OGDHL: variants seen among roughly 807,000 people sequenced by gnomAD.
The protein encoded by OGDHL is 2-oxoglutarate dehydrogenase-like, mitochondrial.
OGDHL carries 79 observed loss-of-function variants against 109.6 expected under a neutral mutation model. That is an observed-to-expected ratio of 0.72 (90% CI 0.60 to 0.87). The LOEUF is 0.87. Ranked by LOEUF, OGDHL falls within the 40% of genes least tolerant of loss-of-function variation. The probability of loss-of-function intolerance (pLI) is 0.00; values close to 1 mark genes in which losing one functional copy is unlikely to be tolerated. For synonymous variants in OGDHL, 528 were observed against 537.2 expected, an observed-to-expected ratio of 0.98 and a Z score of 0.24; for missense variants, 1,275 against 1,362.2, an observed-to-expected ratio of 0.94 and a Z score of 1.01.
intron 16 of OGDHL, 93 bp from the exon 17 acceptor site, chr10:49,739,932 C>A (rs1484067487): frequency 1.6e-6 from 2 of 1,289,286 alleles, no homozygotes; most frequent in Non-Finnish European, 1.1e-6. Flanking sequence ...ATCCTCCATG[C>A]CCCCACCCAT....
At chr10:49,760,849 G>A (rs902807108) in intron 1 of OGDHL, among the ~76,000 whole-genome samples, 2 of 152,260 alleles carry the variant, frequency 1.3e-5, no homozygotes, top group Non-Finnish European at 2.9e-5. Flanking sequence ...GTTCCCATCA[G>A]CTGAGCCAGA....
chr10:49,739,779 A>T lies in OGDHL; in HGVS notation c.2201T>A (p.Phe734Tyr), dbSNP rs143105288. The T allele has an allele frequency of 1.2e-6, 2 of 1,614,084 alleles. No homozygotes were observed. The highest frequency in any genetic ancestry group is 1.7e-5 in the Admixed American group (1 of 60,020). The change falls in exon 17 of 23, where the codon TTT becomes TAT. Residue 734 changes from phenylalanine (F) to tyrosine (Y), a missense_variant. Physicochemically the swap from Phe to Tyr is conservative, Grantham distance 22. Coordinates refer to ENST00000374103, the MANE Select transcript of OGDHL (RefSeq NM_018245.3). Reference sequence around the variant, plus strand: ...CTGGGCCGTGTTGTGGAAGTCCCCAAACTGGGCCTCCCAGAGGACCAGGGC... The same window carrying T: ...CTGGGCCGTGTTGTGGAAGTCCCCATACTGGGCCTCCCAGAGGACCAGGGC... ...PNALVLWEAQFGDFHNTAQCI... is the reference protein window; with the variant it reads ...PNALVLWEAQYGDFHNTAQCI...
chr10:49,758,238 A>G, intron 2 of OGDHL, 151 bp downstream of exon 2: 2 of 752,000 alleles, frequency 2.7e-6, no homozygotes, highest in South Asian at 1.8e-5. Flanking sequence ...AGGGAAAGCA[A>G]CAGGCTTTGA....
rs149700074 is a variant in OGDHL, at chr10:49,747,062, C to A, written c.1134G>T (p.Glu378Asp). 1.6e-5 allele frequency: 26 copies of A among 1,614,116 alleles called. No homozygotes were observed. The African/African-American group carries it at 3.2e-4, about 20-fold the overall frequency. Residue 378 changes from glutamate to aspartate, a missense_variant, in exon 9 of 23, where the codon GAG becomes GAT. Physicochemically the swap from Glu to Asp is conservative, Grantham distance 45. Transcript: ENST00000374103. ...DPVVQGKTKAEQFYRGDAQGK... is the reference protein window; with the variant it reads ...DPVVQGKTKADQFYRGDAQGK... ...CCTGGGCATCTCCACGGTAGAACTG[C>A]TCTGCCTTTGTCTTCCCCTGCACCA...
chr10:49,752,694 T>G lies in OGDHL; in HGVS notation c.422A>C (p.Asp141Ala). The G allele has an allele frequency of 6.2e-7, 1 of 1,614,140 alleles. No individual in the cohort carries two copies. Among genetic ancestry groups the G allele is most frequent in the Non-Finnish European group, 8.5e-7 (1 of 1,180,004 alleles). Residue 141 changes from aspartate to alanine, a missense_variant, in exon 4 of 23, where the codon GAT becomes GCT. By Grantham distance (126) the Asp-to-Ala change is moderately radical (BLOSUM62 -2). Transcript: ENST00000374103. ...GGGCACAAAGGAGTCCAGGTCTGCA[T>G]CCAGAATGCCCAGGGGGTCCAGCTG... The part of the protein sequence containing the change: ...VAQLDPLGIL[D>A]ADLDSFVPSD...
intron 12 of OGDHL, 32 bp from the exon 13 acceptor site, chr10:49,744,784 C>G (rs758187489): frequency 1.9e-6 from 3 of 1,579,196 alleles, no homozygotes; most frequent in Non-Finnish European, 2.6e-6. Context: ...GGACAGAGCA[C>G]CAAAGCCCTG....
At chr10:49,755,537 A>G (rs1842866299) in intron 3 of OGDHL, among the ~76,000 whole-genome samples, 1 of 152,278 alleles carries the variant, frequency 6.6e-6, no homozygotes, top group Non-Finnish European at 1.5e-5. Flanking sequence ...TATATGTTTG[A>G]AAATGCTTAT....
intron 15 of OGDHL, 128 bp from the exon 16 acceptor site, chr10:49,740,965 C>T: frequency 8.4e-7 from 1 of 1,190,588 alleles, no homozygotes; most frequent in Admixed American, 2.0e-5. Context: ...CTGCAGGGTC[C>T]CACAACATGG....
At chr10:49,756,997 C>G in intron 2 of OGDHL, 51 bp from the exon 3 acceptor site, 1 of 1,567,040 alleles carries the variant, frequency 6.4e-7, no homozygotes, top group Non-Finnish European at 8.7e-7. Flanking sequence ...TGGGAAGAGT[C>G]AGGGGTGGCC....
chr10:49,761,688 C>A (rs1444401876), intron 1 of OGDHL, among the ~76,000 whole-genome samples: 1 of 152,240 alleles, frequency 6.6e-6, no homozygotes, highest in Non-Finnish European at 1.5e-5. Flanking sequence ...TTACCCCGTC[C>A]CCCTCCCACA....
chr10:49,757,768 C>T (rs557010827), intron 2 of OGDHL, among the ~76,000 whole-genome samples: 2 of 152,126 alleles, frequency 1.3e-5, no homozygotes, highest in South Asian at 4.1e-4. Context: ...GTATGTGTTA[C>T]AGGTTACTTT....
intron 15 of OGDHL, among the ~76,000 whole-genome samples, chr10:49,741,476 C>A (rs1841649140): frequency 6.6e-6 from 1 of 152,102 alleles, no homozygotes; most frequent in African/African-American, 2.4e-5. Context: ...CCACACCACC[C>A]TGGCTTGCTA....
rs1841045430 is a variant in OGDHL at position 49,735,129 on chromosome 10, C to A, written c.*99G>T. On this transcript the variant is annotated 3_prime_UTR_variant, in exon 23 of 23. Coordinates refer to ENST00000374103, the MANE Select transcript of OGDHL (RefSeq NM_018245.3). ...GTGTCTGTTTTATCCTGGGGCCCCA[C>A]AGCCCCTCTCCTGGGCAGGAGCTCC... The A allele has an allele frequency of 4.6e-6, 7 of 1,511,126 alleles. No homozygotes were observed. Among genetic ancestry groups the A allele is most frequent in the African/African-American group, 1.4e-5 (1 of 71,824 alleles). 93.6% of individuals were successfully genotyped at this position (1,511,126 alleles called of 1,614,324 possible). A position where few individuals can be genotyped will look rare whatever the true frequency, so the allele number is the denominator to read the frequency against.
intron 14 of OGDHL, 150 bp downstream of exon 14, chr10:49,743,844 C>T: frequency 3.2e-6 from 3 of 929,646 alleles, no homozygotes; most frequent in Non-Finnish European, 4.7e-6. Flanking sequence ...GTCACGGGCA[C>T]AGACATGGTG....
chr10:49,753,010 G>A (rs756775672), intron 3 of OGDHL, among the ~76,000 whole-genome samples: 5 of 152,352 alleles, frequency 3.3e-5, no homozygotes, highest in Non-Finnish European at 4.4e-5. Flanking sequence ...GGTGCTACTA[G>A]TAATAGTGAA....
At chr10:49,742,361 C>T in intron 15 of OGDHL, among the ~76,000 whole-genome samples, 6 of 6,064 alleles carry the variant, frequency 9.9e-4, no homozygotes, top group South Asian at 4.1e-3. Flanking sequence ...CCACACAACA[C>T]ACCACACACC....
Position 49,742,145 on chromosome 10 carries a change from TACAC to T in OGDHL, c.2012+679_2012+682del, listed in dbSNP as rs1359127790. ...ACACACCCTACACACACACCAAACA[TACAC>T]ACACATCACACACACCATACACGCC... On this transcript the variant is annotated intron_variant, in intron 15 of 22. Coordinates refer to ENST00000374103, the MANE Select transcript of OGDHL (RefSeq NM_018245.3). Among the ~76,000 whole-genome samples the T allele has an allele frequency of 7.5e-4, 51 of 67,572 alleles. 1 individual carries two copies. The highest frequency in any genetic ancestry group is 3.8e-3 in the African/African-American group (45 of 11,794). 44.3% of individuals were successfully genotyped at this position (67,572 alleles called of 152,430 possible). A position where few individuals can be genotyped will look rare whatever the true frequency, so the allele number is the denominator to read the frequency against.
At position 49,746,781 on chromosome 10, in the gene OGDHL, T is replaced by C. The variant is rs759529478; in HGVS notation, c.1265A>G (p.Asn422Ser). 24 of 1,613,988 alleles carry C rather than the reference T, an allele frequency of 1.5e-5. No individual in the cohort carries two copies. The highest frequency in any genetic ancestry group is 3.3e-4 in the Middle Eastern group (2 of 6,084). ...GTTGACGACGACGTGCACGGTACCA[T>C]TGGTCGTGTAGGAGGGCAGGTCGCT... Reference protein sequence around the residue: ...HLSDLPSYTTNGTVHVVVNNQ... With the variant: ...HLSDLPSYTTSGTVHVVVNNQ... The change falls in exon 10 of 23, where the codon AAT becomes AGT. Residue 422 changes from asparagine (N) to serine (S), a missense_variant. Coordinates refer to ENST00000374103, the MANE Select transcript of OGDHL (RefSeq NM_018245.3).
At position 49,740,870 on chromosome 10, in the gene OGDHL, G is replaced by A. The variant is rs761060900; in HGVS notation, c.2013-33C>T. The A allele has an allele frequency of 2.3e-5, 37 of 1,612,290 alleles. No homozygotes were observed. In the South Asian group the frequency reaches 3.7e-4, roughly 16 times the overall value. ...GACACAGACCGGGGCAGGGACAGAG[G>A]GCAGGTGGGCTGGCACCTGTTCACC... On this transcript the variant is annotated intron_variant, in intron 15 of 22. Transcript: ENST00000374103.
Sources: allele counts gnomAD v4.1 joint callset (sites outside exome capture counted in the v4.1 genomes callset), GRCh38; gene constraint gnomAD v4.1.1; transcripts MANE v1.5; gene names NCBI Gene and HGNC (gene_info 2026-07-23, HGNC 2026-07-21).